Variants in PTPRD observed in about 807,000 individuals in gnomAD.
PTPRD encodes protein tyrosine phosphatase receptor type D.
Under a neutral mutation model 214.5 loss-of-function variants are expected in PTPRD, and 34 were observed. The observed-to-expected ratio is 0.16, with a 90% confidence interval of 0.12 to 0.21. The LOEUF (loss-of-function observed/expected upper bound fraction) is 0.21, where lower values mean the gene tolerates loss of function less well. PTPRD is among the 10% of genes least tolerant of loss of function. PTPRD has a pLI of 1.00. For synonymous variants in PTPRD, 1,128 were observed against 845.7 expected, an observed-to-expected ratio of 1.33 and a Z score of -5.79; for missense variants, 2,545 against 2,398.7, an observed-to-expected ratio of 1.06 and a Z score of -1.27.
intron 11 of PTPRD, among the ~76,000 whole-genome samples, chr9:8,896,818 A>G (rs770080264): frequency 1.8e-4 from 28 of 152,282 alleles, no homozygotes; most frequent in Non-Finnish European, 2.5e-4. Flanking sequence ...TTTAGAGTTA[A>G]TATTACAGAT....
chr9:10,134,426 G>C (rs1384190454), intron 3 of PTPRD, among the ~76,000 whole-genome samples: 9 of 152,112 alleles, frequency 5.9e-5, no homozygotes, highest in African/African-American at 2.4e-5. Context: ...ACTGAACACT[G>C]CTGCAAATGT....
chr9:8,407,423 C>A (rs546576460), intron 35 of PTPRD, among the ~76,000 whole-genome samples: 5 of 152,126 alleles, frequency 3.3e-5, no homozygotes, highest in Non-Finnish European at 5.9e-5. Flanking sequence ...AGTAATTTGG[C>A]TAAGCTCACA....
At chr9:8,822,272 T>C (rs895387711) in intron 11 of PTPRD, among the ~76,000 whole-genome samples, 1 of 152,196 alleles carries the variant, frequency 6.6e-6, no homozygotes, top group African/African-American at 2.4e-5. Context: ...CATTCATCCA[T>C]GCCCAGGTAA....
intron 9 of PTPRD, among the ~76,000 whole-genome samples, chr9:9,357,407 A>G (rs572673956): frequency 6.6e-6 from 1 of 151,328 alleles, no homozygotes; most frequent in Non-Finnish European, 1.5e-5. Context: ...ACTTCTCATG[A>G]CCTTTTGTCA....
At chr9:9,138,075 C>T (rs1384598031) in intron 10 of PTPRD, among the ~76,000 whole-genome samples, 1 of 152,060 alleles carries the variant, frequency 6.6e-6, no homozygotes, top group Non-Finnish European at 1.5e-5. Context: ...TGCTAAAGCT[C>T]AAGACATTTC....
intron 3 of PTPRD, among the ~76,000 whole-genome samples, chr9:10,292,299 C>T (rs927933307): frequency 3.9e-5 from 6 of 151,954 alleles, no homozygotes; most frequent in African/African-American, 7.2e-5. Context: ...GACTACTTGT[C>T]TCTCCCCTTT....
chr9:9,917,619 G>A (rs1017651659), intron 5 of PTPRD, among the ~76,000 whole-genome samples: 1 of 151,810 alleles, frequency 6.6e-6, no homozygotes, highest in African/African-American at 2.4e-5. Flanking sequence ...ATGAAAAGCA[G>A]ACAAGGATAT....
intron 11 of PTPRD, among the ~76,000 whole-genome samples, chr9:8,813,704 C>A (rs562704989): frequency 7.4e-4 from 113 of 152,296 alleles, no homozygotes; most frequent in Non-Finnish European, 1.4e-3. Flanking sequence ...AGCTGTGAGG[C>A]TCGCTTCTCT....
intron 9 of PTPRD, among the ~76,000 whole-genome samples, chr9:9,389,924 T>C (rs947365949): frequency 1.3e-5 from 2 of 152,116 alleles, no homozygotes; most frequent in Admixed American, 1.3e-4. Context: ...GACAAATAAA[T>C]AGATTTATCA....
At chr9:10,465,171 T>C (rs1366078386) in intron 2 of PTPRD, among the ~76,000 whole-genome samples, 1 of 152,180 alleles carries the variant, frequency 6.6e-6, no homozygotes, top group Non-Finnish European at 1.5e-5. Context: ...TGGTTAGTAA[T>C]ACATAATCAA....
chr9:8,580,623 T>G (rs1030824343), intron 14 of PTPRD, among the ~76,000 whole-genome samples: 2 of 152,210 alleles, frequency 1.3e-5, no homozygotes, highest in African/African-American at 4.8e-5. Context: ...GTATTCCTTA[T>G]GACACCATTT....
intron 14 of PTPRD, among the ~76,000 whole-genome samples, chr9:8,583,791 G>C (rs962976595): frequency 1.3e-5 from 2 of 152,188 alleles, no homozygotes; most frequent in Non-Finnish European, 2.9e-5. Context: ...ATGCATGACA[G>C]AAGAGTAGAA....
chr9:10,081,488 C>A (rs756296620), intron 3 of PTPRD, among the ~76,000 whole-genome samples: 1 of 151,892 alleles, frequency 6.6e-6, no homozygotes, highest in Non-Finnish European at 1.5e-5. Context: ...GGAATTAGTG[C>A]CCTAATAAAA....
intron 11 of PTPRD, among the ~76,000 whole-genome samples, chr9:8,764,599 T>C (rs910201072): frequency 6.6e-6 from 1 of 151,876 alleles, no homozygotes; most frequent in Non-Finnish European, 1.5e-5. Flanking sequence ...AGTTCAAGAC[T>C]AGCCTGGCCA....
chr9:9,317,139 T>C lies in PTPRD; in HGVS notation c.-203+80310A>G, dbSNP rs775377136. Among the ~76,000 whole-genome samples the C allele has an allele frequency of 1.1e-4, 16 of 152,316 alleles. No individual in the cohort carries two copies. The South Asian group carries it at 3.3e-3, about 32-fold the overall frequency. On this transcript the variant is annotated intron_variant, in intron 9 of 45. Transcript: ENST00000381196. ...TTCTACTGGTTCATTTCTCTGAAAG[T>C]ACATAAGATTTCTCATTCACTTACT... is the stretch of plus-strand genomic sequence containing the variant.
chr9:9,121,692 G>C (rs528283674), intron 10 of PTPRD, among the ~76,000 whole-genome samples: 1 of 152,202 alleles, frequency 6.6e-6, no homozygotes, highest in Admixed American at 6.5e-5. Flanking sequence ...AGGGGGGCGA[G>C]GGATAAAAGA....
At chr9:9,751,116 T>C (rs2098514237) in intron 6 of PTPRD, among the ~76,000 whole-genome samples, 4 of 152,052 alleles carry the variant, frequency 2.6e-5, no homozygotes, top group Non-Finnish European at 1.5e-5. Context: ...ATCCACACAA[T>C]AAAACAAACA....
chr9:10,237,558 A>C (rs994226582), intron 3 of PTPRD, among the ~76,000 whole-genome samples: 5 of 151,936 alleles, frequency 3.3e-5, no homozygotes, highest in Admixed American at 6.6e-5. Flanking sequence ...AAGATTTCTC[A>C]CTACTCAAAA....
intron 11 of PTPRD, among the ~76,000 whole-genome samples, chr9:8,883,685 C>G (rs1289897092): frequency 1.3e-5 from 2 of 152,194 alleles, no homozygotes; most frequent in Admixed American, 1.3e-4. Flanking sequence ...CCCTGTGCTT[C>G]TGAAGAGACC....
Sources: gnomAD v4.1 joint callset for allele counts (sites outside exome capture counted in the v4.1 genomes callset) on GRCh38, gnomAD v4.1.1 for gene constraint, MANE v1.5 for transcripts, NCBI Gene and HGNC (gene_info 2026-07-23, HGNC 2026-07-21) for gene names.